EYA4: variants seen among roughly 807,000 people sequenced by gnomAD.
EYA4 encodes protein phosphatase EYA4.
Under a neutral mutation model 87.9 loss-of-function variants are expected in EYA4, and 31 were observed. That is an observed-to-expected ratio of 0.35 (90% confidence interval 0.27 to 0.48). The LOEUF (loss-of-function observed/expected upper bound fraction) is 0.48. EYA4 is among the 20% of genes least tolerant of loss of function. EYA4 has a pLI of 0.99. For synonymous variants in EYA4, 263 were observed against 270.6 expected, an observed-to-expected ratio of 0.97 and a Z score of 0.28; for missense variants, 678 against 761.4, an observed-to-expected ratio of 0.89 and a Z score of 1.29.
At chr6:133,371,034 C>G (rs1003164187) in intron 2 of EYA4, among the ~76,000 whole-genome samples, 1 of 151,914 alleles carries the variant, frequency 6.6e-6, no homozygotes, top group African/African-American at 2.4e-5. Flanking sequence ...ATCTTTGTGT[C>G]TTTCTCAAGA....
intron 2 of EYA4, among the ~76,000 whole-genome samples, chr6:133,319,444 A>G (rs892816076): frequency 5.3e-5 from 8 of 150,424 alleles, no homozygotes; most frequent in African/African-American, 1.7e-4. Flanking sequence ...AGGTCATGCC[A>G]CTTATGCATA....
intron 3 of EYA4, among the ~76,000 whole-genome samples, chr6:133,386,477 T>C (rs926549968): frequency 6.6e-6 from 1 of 152,206 alleles, no homozygotes; most frequent in African/African-American, 2.4e-5. Flanking sequence ...GGTGTCTCTG[T>C]GTTAAAGTAG....
At chr6:133,301,008 G>A (rs747997519) in intron 2 of EYA4, among the ~76,000 whole-genome samples, 7 of 152,068 alleles carry the variant, frequency 4.6e-5, no homozygotes, top group Non-Finnish European at 7.4e-5. Context: ...CTTGCTAAAG[G>A]CCAACTCTAG....
At chr6:133,411,144 A>G (rs1426237034) in intron 3 of EYA4, among the ~76,000 whole-genome samples, 1 of 152,212 alleles carries the variant, frequency 6.6e-6, no homozygotes, top group East Asian at 1.9e-4. Context: ...TGTATAGTAC[A>G]ACTGTATAAA....
chr6:133,502,304 A>G (rs746600136), intron 13 of EYA4: 10 of 152,128 alleles, frequency 6.6e-5, no homozygotes, highest in African/African-American at 1.4e-4. Context: ...AGATTTTGCT[A>G]TCACCTCATT....
At chr6:133,318,638 ATCC>A (rs372150899) in intron 2 of EYA4, among the ~76,000 whole-genome samples, 21 of 148,566 alleles carry the variant, frequency 1.4e-4, no homozygotes, top group African/African-American at 4.7e-4. Context: ...TTTTTTAATC[ATCC>A]AGAGTCTCCT....
intron 3 of EYA4, among the ~76,000 whole-genome samples, chr6:133,405,197 G>A (rs1788602388): frequency 6.6e-6 from 1 of 152,000 alleles, no homozygotes; most frequent in South Asian, 2.1e-4. Context: ...ACTTTGAGTT[G>A]GTAGGTAGCA....
intron 3 of EYA4, among the ~76,000 whole-genome samples, chr6:133,419,134 G>A (rs956547997): frequency 8.6e-5 from 13 of 152,010 alleles, no homozygotes; most frequent in Admixed American, 2.6e-4. Flanking sequence ...GGCCCTGCAC[G>A]GCCTTACAAA....
At chr6:133,242,669 A>C (rs1188262101) in intron 1 of EYA4, among the ~76,000 whole-genome samples, 1 of 152,092 alleles carries the variant, frequency 6.6e-6, no homozygotes, top group Non-Finnish European at 1.5e-5. Flanking sequence ...CACTTGAAAG[A>C]GTTTTCTCCC....
intron 2 of EYA4, among the ~76,000 whole-genome samples, chr6:133,345,307 G>A (rs1783110242): frequency 6.6e-6 from 1 of 152,082 alleles, no homozygotes; most frequent in Non-Finnish European, 1.5e-5. Context: ...TATTGAGTTT[G>A]TCATTTCTGA....
At chr6:133,287,658 G>A (rs1201967312) in intron 2 of EYA4, among the ~76,000 whole-genome samples, 2 of 152,148 alleles carry the variant, frequency 1.3e-5, no homozygotes, top group African/African-American at 4.8e-5. Context: ...CTGTATTTCT[G>A]GACTTTCTAA....
intron 2 of EYA4, among the ~76,000 whole-genome samples, chr6:133,339,263 A>T (rs1782609468): frequency 6.6e-6 from 1 of 152,192 alleles, no homozygotes; most frequent in Non-Finnish European, 1.5e-5. Flanking sequence ...AGCATCTCTG[A>T]AGGAGACAAG....
intron 2 of EYA4, among the ~76,000 whole-genome samples, chr6:133,307,962 T>C (rs1420023655): frequency 1.3e-5 from 2 of 152,172 alleles, no homozygotes; most frequent in African/African-American, 4.8e-5. Context: ...TTTCCTGTGC[T>C]GTTCTCATGA....
chr6:133,456,402 C>T (rs1583327518), intron 5 of EYA4, 154 bp from the exon 6 acceptor site: 3 of 673,916 alleles, frequency 4.5e-6, no homozygotes, highest in Admixed American at 2.2e-5. Context: ...TAAATGCATG[C>T]CCGTTTAGAA....
chr6:133,395,421 A>T (rs538121422), intron 3 of EYA4, among the ~76,000 whole-genome samples: 14 of 152,268 alleles, frequency 9.2e-5, no homozygotes, highest in Non-Finnish European at 1.9e-4. Flanking sequence ...CGTATGCCAT[A>T]TAAGAAGGTT....
intron 2 of EYA4, among the ~76,000 whole-genome samples, chr6:133,343,519 T>TC (rs1263679774): frequency 6.6e-6 from 1 of 150,708 alleles, no homozygotes; most frequent in Middle Eastern, 3.2e-3. Context: ...GCAGATAGCC[T>TC]CCCCCTAGCT....
chr6:133,501,523 TTTCTG>T (rs1798114185), intron 13 of EYA4, among the ~76,000 whole-genome samples: 1 of 152,126 alleles, frequency 6.6e-6, no homozygotes, highest in African/African-American at 2.4e-5. Context: ...AATTGTAAAA[TTTCTG>T]TTCTGATTTG....
chr6:133,461,082 C>T (rs1353003576), intron 6 of EYA4, 32 bp from the exon 7 acceptor site: 2 of 1,500,686 alleles, frequency 1.3e-6, no homozygotes, highest in Admixed American at 3.3e-5. Flanking sequence ...ATGAAGCAAC[C>T]TTTGGTGCAC....
At chr6:133,263,191 A>G (rs931718240) in intron 1 of EYA4, among the ~76,000 whole-genome samples, 3 of 152,220 alleles carry the variant, frequency 2.0e-5, no homozygotes, top group Admixed American at 2.0e-4. Context: ...TAACTTCTCA[A>G]TAATGTAACA....
Sources: gnomAD v4.1 joint callset for allele counts (sites outside exome capture counted in the v4.1 genomes callset) on GRCh38, gnomAD v4.1.1 for gene constraint, MANE v1.5 for transcripts, NCBI Gene and HGNC (gene_info 2026-07-23, HGNC 2026-07-21) for gene names.